ADAMTS6: variants seen among roughly 807,000 people sequenced by gnomAD.
The protein encoded by ADAMTS6 is A disintegrin and metalloproteinase with thrombospondin motifs 6.
A neutral mutation model predicts 144.3 loss-of-function variants in ADAMTS6; 23 were observed. The observed-to-expected ratio is 0.16, with a 90% CI of 0.11 to 0.23. ADAMTS6 has a LOEUF of 0.23. Ranked by LOEUF, ADAMTS6 falls within the 10% of genes least tolerant of loss-of-function variation. The pLI, the probability that ADAMTS6 is intolerant of heterozygous loss-of-function variation, is 1.00. For synonymous variants in ADAMTS6, 444 were observed against 457.5 expected, an observed-to-expected ratio of 0.97 and a Z score of 0.38; for missense variants, 999 against 1,379.6, an observed-to-expected ratio of 0.72 and a Z score of 4.37.
chr5:65,167,745 AT>A (rs2112047035), intron 24 of ADAMTS6, among the ~76,000 whole-genome samples: 1 of 102,060 alleles, frequency 9.8e-6, no homozygotes, highest in South Asian at 4.2e-4. Context: ...AAATCAATAA[AT>A]GTAATCCAGC....
rs564284276 is a variant in ADAMTS6 at position 65,413,301 on chromosome 5, C to G, written c.1073+38174G>C. 2.0e-5 allele frequency among the ~76,000 whole-genome samples: 3 copies of G among 152,272 alleles called. 1 individual carries two copies. The South Asian group carries it at 6.2e-4, about 32-fold the overall frequency. ...GAATAAATGAAAACTTGGCATGATA[C>G]CTACGCAAGATTGCAAACCTTAACA... is the stretch of plus-strand genomic sequence containing the variant. On this transcript the variant is annotated intron_variant, in intron 7 of 24. Coordinates refer to ENST00000381055, the MANE Select transcript of ADAMTS6 (RefSeq NM_197941.4).
chr5:65,346,034 C>T lies in ADAMTS6; in HGVS notation c.1074-11949G>A, dbSNP rs75913598. The stretch of plus-strand genomic sequence containing the variant: ...TAGCTTAAATTTACCTTTATGAAAT[C>T]TTCTGCTGCATCCAATTTTGACTTA... On this transcript the variant is annotated intron_variant, in intron 7 of 24. Coordinates refer to ENST00000381055, the MANE Select transcript of ADAMTS6 (RefSeq NM_197941.4). Among the ~76,000 whole-genome samples the T allele has an allele frequency of 2.7e-4, 41 of 151,974 alleles. 1 individual carries two copies. The highest frequency in any genetic ancestry group is 5.5e-4 in the Non-Finnish European group (37 of 67,774).
Position 65,262,612 on chromosome 5 carries a change from A to T in ADAMTS6, c.1766+205T>A, listed in dbSNP as rs114811353. On this transcript the variant is annotated intron_variant, in intron 13 of 24. Transcript: ENST00000381055. ...CAATACTTTCTATTTTTTACATTTT[A>T]TTTTTGGTTACACAATAAGGGGAAA... Among the ~76,000 whole-genome samples the T allele has an allele frequency of 3.5e-3, 537 of 152,224 alleles. 2 individuals are homozygous for T. The highest frequency in any genetic ancestry group is 0.013 in the African/African-American group (521 of 41,532).
chr5:65,378,831 C>CAT (rs747468004), intron 7 of ADAMTS6, among the ~76,000 whole-genome samples: 136 of 152,170 alleles, frequency 8.9e-4, no homozygotes, highest in Non-Finnish European at 2.1e-4. Context: ...CTCTTGAAGA[C>CAT]AAAGTCATTC....
At chr5:65,177,587 C>G (rs1184630218) in intron 22 of ADAMTS6, among the ~76,000 whole-genome samples, 2 of 152,182 alleles carry the variant, frequency 1.3e-5, no homozygotes, top group Non-Finnish European at 2.9e-5. Context: ...GTCCAACATT[C>G]TGTGGACCAC....
At chr5:65,426,297 G>A (rs189697315) in intron 7 of ADAMTS6, among the ~76,000 whole-genome samples, 64 of 150,126 alleles carry the variant, frequency 4.3e-4, no homozygotes, top group African/African-American at 1.5e-3. Context: ...GACCTCAGGT[G>A]ATCCACCCAC....
intron 7 of ADAMTS6, among the ~76,000 whole-genome samples, chr5:65,396,686 G>A (rs1753365839): frequency 6.6e-6 from 1 of 152,196 alleles, no homozygotes; most frequent in African/African-American, 2.4e-5. Context: ...CTGTTTCATG[G>A]CTAGGACATG....
intron 11 of ADAMTS6, among the ~76,000 whole-genome samples, chr5:65,278,395 A>G (rs1045537938): frequency 3.3e-5 from 5 of 152,212 alleles, no homozygotes; most frequent in Non-Finnish European, 7.3e-5. Flanking sequence ...TAACTCTTTA[A>G]GGAATCTCCT....
chr5:65,415,839 C>T (rs1483874484), intron 7 of ADAMTS6: 4 of 239,702 alleles, frequency 1.7e-5, no homozygotes, highest in African/African-American at 9.4e-5. Context: ...TCCCTGTGTG[C>T]ACAGGCTACT....
intron 7 of ADAMTS6, among the ~76,000 whole-genome samples, chr5:65,432,892 G>A (rs2150218872): frequency 6.6e-6 from 1 of 152,070 alleles, no homozygotes; most frequent in South Asian, 2.1e-4. Context: ...ACAGCACCAT[G>A]ACATATTATC....
chr5:65,422,073 T>C (rs1433366062), intron 7 of ADAMTS6, among the ~76,000 whole-genome samples: 4 of 151,828 alleles, frequency 2.6e-5, no homozygotes, highest in Admixed American at 6.6e-5. Context: ...AAACAACTAA[T>C]ATCCAGAATC....
rs148026390 is a variant in ADAMTS6 at position 65,196,608 on chromosome 5, C to T, written c.2705+414G>A. Among the ~76,000 whole-genome samples, 846 of 135,188 alleles carry T rather than the reference C, an allele frequency of 6.3e-3. 13 individuals are homozygous for T. Among genetic ancestry groups the T allele is most frequent in the African/African-American group, 0.022 (819 of 36,696 alleles). The allele number at this position is 135,188 out of a possible 152,430, so 88.7% of individuals were successfully genotyped here. ...AGAAAAGACAGGAGTGTAAATAAAT[C>T]ACTATATTTTATTACATCTAAGACT... On this transcript the variant is annotated intron_variant, in intron 21 of 24. Transcript: ENST00000381055.
At chr5:65,203,925 C>T (rs1333417197) in intron 20 of ADAMTS6, among the ~76,000 whole-genome samples, 1 of 152,204 alleles carries the variant, frequency 6.6e-6, no homozygotes. Context: ...TGCACTCAAA[C>T]TGTGGTTTCA....
chr5:65,242,021 A>T, intron 15 of ADAMTS6, 83 bp downstream of exon 15: 1 of 902,236 alleles, frequency 1.1e-6, no homozygotes, highest in Non-Finnish European at 1.6e-6. Flanking sequence ...ACATGAATGT[A>T]TGCATGTGTT....
intron 7 of ADAMTS6, among the ~76,000 whole-genome samples, chr5:65,362,344 T>C (rs182953420): frequency 2.0e-5 from 3 of 152,308 alleles, no homozygotes; most frequent in Admixed American, 1.3e-4. Context: ...CTCAACTTTA[T>C]AGCATTGCTA....
intron 7 of ADAMTS6, among the ~76,000 whole-genome samples, chr5:65,344,100 T>C (rs970419625): frequency 6.6e-6 from 1 of 151,986 alleles, no homozygotes; most frequent in Non-Finnish European, 1.5e-5. Flanking sequence ...AGCATAGAGA[T>C]AGCCAGAAAT....
intron 11 of ADAMTS6, among the ~76,000 whole-genome samples, chr5:65,275,530 T>C (rs1402899127): frequency 6.6e-6 from 1 of 151,892 alleles, no homozygotes; most frequent in African/African-American, 2.4e-5. Flanking sequence ...ATGTTTACGA[T>C]CCAATATTAC....
intron 3 of ADAMTS6, among the ~76,000 whole-genome samples, chr5:65,465,968 ACTTT>A (rs1759965788): frequency 6.6e-6 from 1 of 152,340 alleles, no homozygotes; most frequent in Admixed American, 6.5e-5. Context: ...CAAATTTATA[ACTTT>A]CTAATTCATA....
intron 11 of ADAMTS6, among the ~76,000 whole-genome samples, chr5:65,290,421 C>T (rs1580309470): frequency 1.3e-5 from 2 of 152,162 alleles, no homozygotes; most frequent in Admixed American, 1.3e-4. Context: ...CATGATGGTG[C>T]ACGCCTGTAT....
Sources: allele counts gnomAD v4.1 joint callset (sites outside exome capture counted in the v4.1 genomes callset), GRCh38; gene constraint gnomAD v4.1.1; transcripts MANE v1.5; gene names NCBI Gene and HGNC (gene_info 2026-07-23, HGNC 2026-07-21).